Variants in CADM2 observed in about 807,000 individuals in gnomAD.
CADM2 encodes the protein cell adhesion molecule 2.
Under a neutral mutation model 49.8 loss-of-function variants are expected in CADM2, and 12 were observed. That is an observed-to-expected ratio of 0.24 (90% confidence interval 0.15 to 0.39). The LOEUF (loss-of-function observed/expected upper bound fraction) is 0.39, where lower values mean the gene tolerates loss of function less well. Ranked by LOEUF, CADM2 falls within the 10% of genes least tolerant of loss-of-function variation. CADM2 has a pLI of 1.00. For synonymous variants in CADM2, 214 were observed against 175.4 expected (o/e 1.22, Z -1.74); for missense variants, 378 against 492.3 (o/e 0.77, Z 2.20).
chr3:85,305,969 G>A (rs1460977759), intron 1 of CADM2, among the ~76,000 whole-genome samples: 1 of 151,514 alleles, frequency 6.6e-6, no homozygotes, highest in Non-Finnish European at 1.5e-5. Flanking sequence ...AGAAGCTCTT[G>A]CCAATCATGA....
At chr3:85,558,155 T>C (rs1468336529) in intron 1 of CADM2, among the ~76,000 whole-genome samples, 1 of 151,920 alleles carries the variant, frequency 6.6e-6, no homozygotes, top group East Asian at 1.9e-4. Context: ...GTTCTCTTTG[T>C]TTCTCAATCC....
At chr3:86,012,565 C>G (rs1354916081) in intron 8 of CADM2, 5 of 1,529,666 alleles carry the variant, frequency 3.3e-6, no homozygotes, top group South Asian at 1.2e-5. Flanking sequence ...GCGAAGATGC[C>G]GAACTTCTGC....
At position 85,278,772 on chromosome 3, in the gene CADM2, A is replaced by G. The variant is rs905984198; in HGVS notation, c.61+319104A>G. Among the ~76,000 whole-genome samples the G allele has an allele frequency of 9.3e-5, 14 of 149,988 alleles. No individual in the cohort carries two copies. In the East Asian group the frequency reaches 1.2e-3, roughly 13 times the overall value. On this transcript the variant is annotated intron_variant, in intron 1 of 9. Coordinates refer to ENST00000383699, the MANE Select transcript of CADM2 (RefSeq NM_001167675.2). Reference sequence around the variant, plus strand: ...TGTGTGTGTGTGTGTTGGTAGTTTTAGGGAAAATCACAATGTTTTAAACAT... The same window carrying G: ...TGTGTGTGTGTGTGTTGGTAGTTTTGGGGAAAATCACAATGTTTTAAACAT...
intron 7 of CADM2, among the ~76,000 whole-genome samples, chr3:85,961,264 A>C (rs1724778533): frequency 6.6e-6 from 1 of 151,548 alleles, no homozygotes; most frequent in African/African-American, 2.4e-5. Flanking sequence ...ATATCTGCTT[A>C]GTTAAATAGA....
intron 1 of CADM2, among the ~76,000 whole-genome samples, chr3:85,505,025 C>G (rs932344760): frequency 1.3e-5 from 2 of 152,102 alleles, no homozygotes; most frequent in African/African-American, 4.8e-5. Flanking sequence ...CCGGAAGCGC[C>G]GCGCGCAGCC....
intron 1 of CADM2, among the ~76,000 whole-genome samples, chr3:85,273,389 A>C (rs1205765412): frequency 6.6e-6 from 1 of 151,338 alleles, no homozygotes; most frequent in Admixed American, 6.6e-5. Flanking sequence ...TGTTGAGTAA[A>C]ATCTTTAAAA....
chr3:85,273,908 A>C (rs982958994), intron 1 of CADM2, among the ~76,000 whole-genome samples: 8 of 151,556 alleles, frequency 5.3e-5, no homozygotes, highest in Middle Eastern at 3.4e-3. Flanking sequence ...TGGACATTCT[A>C]ATGTTTACAG....
intron 1 of CADM2, among the ~76,000 whole-genome samples, chr3:85,390,241 C>A (rs1006900644): frequency 7.2e-5 from 11 of 152,002 alleles, no homozygotes; most frequent in Admixed American, 5.2e-4. Flanking sequence ...AGAATTAACT[C>A]TCCCTGACTG....
chr3:85,267,965 G>C (rs77319460), intron 1 of CADM2, among the ~76,000 whole-genome samples: 3 of 151,574 alleles, frequency 2.0e-5, no homozygotes, highest in Non-Finnish European at 4.4e-5. Context: ...CAATGTATTA[G>C]GCACTATGTA....
rs114302381 is a variant in CADM2 at position 85,047,449 on chromosome 3, G to A, written c.61+87781G>A. On this transcript the variant is annotated intron_variant, in intron 1 of 9. Transcript: ENST00000383699. Reference sequence around the variant, plus strand: ...TTGTCAATTATCTCTCCAATAATGGGAACTTCTCATATAAATTTACATATT... The same window carrying A: ...TTGTCAATTATCTCTCCAATAATGGAAACTTCTCATATAAATTTACATATT... Among the ~76,000 whole-genome samples, 1,384 of 152,082 alleles carry A rather than the reference G, an allele frequency of 9.1e-3. 26 individuals are homozygous for A. The highest frequency in any genetic ancestry group is 0.032 in the African/African-American group (1,324 of 41,488).
intron 8 of CADM2, among the ~76,000 whole-genome samples, chr3:86,027,136 T>A (rs1733995072): frequency 1.3e-5 from 2 of 152,182 alleles, no homozygotes; most frequent in Non-Finnish European, 2.9e-5. Context: ...TTAAGTTTGC[T>A]ATTTGAAAAC....
At chr3:85,905,558 A>T (rs929747436) in intron 5 of CADM2, among the ~76,000 whole-genome samples, 5 of 152,136 alleles carry the variant, frequency 3.3e-5, no homozygotes, top group Non-Finnish European at 7.4e-5. Context: ...TAGATGCTGT[A>T]CCCAGCGTCT....
chr3:85,795,635 G>C (rs1248267454), intron 2 of CADM2, among the ~76,000 whole-genome samples: 1 of 152,086 alleles, frequency 6.6e-6, no homozygotes, highest in African/African-American at 2.4e-5. Context: ...ACAAACATTA[G>C]TTTCTTTCTT....
intron 2 of CADM2, among the ~76,000 whole-genome samples, chr3:85,775,195 G>A (rs1049002922): frequency 6.6e-6 from 1 of 151,492 alleles, no homozygotes; most frequent in Admixed American, 6.6e-5. Context: ...AGGATTTTTA[G>A]TATCTAATGC....
intron 1 of CADM2, among the ~76,000 whole-genome samples, chr3:85,641,864 G>C (rs2064726945): frequency 6.6e-6 from 1 of 152,048 alleles, no homozygotes; most frequent in Admixed American, 6.5e-5. Context: ...CCAGGAGGCA[G>C]AGCTTGCAGT....
intron 1 of CADM2, among the ~76,000 whole-genome samples, chr3:85,471,932 T>C (rs1018399678): frequency 6.6e-6 from 1 of 151,846 alleles, no homozygotes; most frequent in Non-Finnish European, 1.5e-5. Flanking sequence ...TTATCTCTAG[T>C]TTAGGGATCT....
chr3:85,244,505 A>G (rs995962011), intron 1 of CADM2, among the ~76,000 whole-genome samples: 6 of 152,208 alleles, frequency 3.9e-5, no homozygotes, highest in Admixed American at 3.9e-4. Context: ...GCAAAATAGA[A>G]AAGTAATGTG....
At chr3:85,649,344 A>T (rs1448635600) in intron 1 of CADM2, among the ~76,000 whole-genome samples, 1 of 152,150 alleles carries the variant, frequency 6.6e-6, no homozygotes, top group East Asian at 1.9e-4. Flanking sequence ...GACATCACTT[A>T]AATTAATTAT....
intron 1 of CADM2, among the ~76,000 whole-genome samples, chr3:85,622,819 C>G (rs1459560053): frequency 6.6e-6 from 1 of 152,056 alleles, no homozygotes; most frequent in African/African-American, 2.4e-5. Flanking sequence ...TAAACAATGC[C>G]AAATCTGTAA....
Sources: gnomAD v4.1 joint callset for allele counts (sites outside exome capture counted in the v4.1 genomes callset) on GRCh38, gnomAD v4.1.1 for gene constraint, MANE v1.5 for transcripts, NCBI Gene and HGNC (gene_info 2026-07-23, HGNC 2026-07-21) for gene names.